Variants in PPP3CA observed in about 807,000 individuals in gnomAD.
PPP3CA encodes the protein protein phosphatase 3 catalytic subunit alpha, also known as CAM-PRP catalytic subunit.
Under a neutral mutation model 66.5 loss-of-function variants are expected in PPP3CA, and 14 were observed. The ratio of observed to expected loss-of-function variants is 0.21; its 90% confidence interval spans 0.14 to 0.33. The LOEUF is 0.33. PPP3CA is among the 10% of genes least tolerant of loss of function. The pLI is 1.00. For synonymous variants in PPP3CA, 232 were observed against 226.2 expected (o/e 1.03, Z -0.23); for missense variants, 317 against 639.5 (o/e 0.50, Z 5.44).
intron 6 of PPP3CA, among the ~76,000 whole-genome samples, chr4:101,092,674 G>C (rs1247600433): frequency 6.6e-6 from 1 of 151,988 alleles, no homozygotes; most frequent in East Asian, 1.9e-4. Context: ...ACTTATGAGT[G>C]AGAACATGAG....
At chr4:101,130,408 A>G (rs1405827872) in intron 2 of PPP3CA, among the ~76,000 whole-genome samples, 3 of 152,286 alleles carry the variant, frequency 2.0e-5, no homozygotes, top group South Asian at 4.1e-4. Context: ...GAGCACCACA[A>G]AGATACTCCT....
chr4:101,125,987 A>G (rs902224746), intron 2 of PPP3CA, among the ~76,000 whole-genome samples: 1 of 152,234 alleles, frequency 6.6e-6, no homozygotes, highest in African/African-American at 2.4e-5. Context: ...ATAAACACTC[A>G]TACTACATGG....
intron 2 of PPP3CA, among the ~76,000 whole-genome samples, chr4:101,179,445 T>C (rs1332759424): frequency 6.6e-6 from 1 of 152,108 alleles, no homozygotes; most frequent in Admixed American, 6.6e-5. Flanking sequence ...AATTTGGTGA[T>C]TCATCAAATT....
chr4:101,141,867 G>C (rs887278432), intron 2 of PPP3CA, among the ~76,000 whole-genome samples: 1 of 152,182 alleles, frequency 6.6e-6, no homozygotes, highest in Non-Finnish European at 1.5e-5. Flanking sequence ...GTGAACGAAT[G>C]AATGTATAGG....
chr4:101,112,555 A>G (rs1267975542), intron 2 of PPP3CA, among the ~76,000 whole-genome samples: 1 of 152,172 alleles, frequency 6.6e-6, no homozygotes, highest in Admixed American at 6.6e-5. Flanking sequence ...AATGACGTGC[A>G]TATAATCATA....
chr4:101,203,830 T>G (rs2110198242), intron 1 of PPP3CA, among the ~76,000 whole-genome samples: 1 of 152,326 alleles, frequency 6.6e-6, no homozygotes, highest in African/African-American at 2.4e-5. Flanking sequence ...TTTTGGTTAC[T>G]TCATTACAAT....
intron 2 of PPP3CA, among the ~76,000 whole-genome samples, chr4:101,124,616 GAAAAAAGAGA>G (rs761578283): frequency 5.2e-5 from 7 of 135,120 alleles, no homozygotes; most frequent in Non-Finnish European, 1.1e-4. Flanking sequence ...CTCAAAAAAA[GAAAAAAGAGA>G]AAGAAAGAAA....
chr4:101,029,215 T>C lies in PPP3CA; in HGVS notation c.1340-20A>G, dbSNP rs767720732. On this transcript the variant is annotated intron_variant, in intron 12 of 13. Coordinates refer to ENST00000394854, the MANE Select transcript of PPP3CA (RefSeq NM_000944.5). Reference sequence around the variant, plus strand: ...CAGTAGCTGAAGAGAAGAAAGGGGGTGCAAAATGAATGAGAAAAATGAGCA... The same window carrying C: ...CAGTAGCTGAAGAGAAGAAAGGGGGCGCAAAATGAATGAGAAAAATGAGCA... 1.4e-5 allele frequency: 22 copies of C among 1,602,754 alleles called. No individual in the cohort carries two copies. Among genetic ancestry groups the C allele is most frequent in the Non-Finnish European group, 1.9e-5 (22 of 1,170,734 alleles).
chr4:101,091,590 T>C (rs1438936120), intron 6 of PPP3CA, among the ~76,000 whole-genome samples: 2 of 151,928 alleles, frequency 1.3e-5, no homozygotes, highest in African/African-American at 4.8e-5. Context: ...CATCAACAGA[T>C]AGAAAAACTT....
chr4:101,130,105 T>C (rs903022132), intron 2 of PPP3CA, among the ~76,000 whole-genome samples: 9 of 151,678 alleles, frequency 5.9e-5, no homozygotes, highest in East Asian at 3.9e-4. Context: ...ATGAAGCACA[T>C]AGAAGAAGCA....
chr4:101,195,885 C>G, intron 2 of PPP3CA, 31 bp downstream of exon 2: 1 of 1,597,796 alleles, frequency 6.3e-7, no homozygotes, highest in Non-Finnish European at 8.6e-7. Flanking sequence ...AATGTGTATA[C>G]AAGTGGGCAA....
intron 2 of PPP3CA, among the ~76,000 whole-genome samples, chr4:101,123,343 C>A (rs979980413): frequency 2.6e-5 from 4 of 152,086 alleles, no homozygotes; most frequent in African/African-American, 9.7e-5. Context: ...CAATGGTGAA[C>A]TTGATGAAGT....
intron 1 of PPP3CA, among the ~76,000 whole-genome samples, chr4:101,219,061 T>C (rs535213690): frequency 1.3e-5 from 2 of 152,080 alleles, no homozygotes; most frequent in Admixed American, 6.6e-5. Context: ...CTAGGTGTTA[T>C]GAAATCAAAG....
At chr4:101,154,881 A>G (rs1723264782) in intron 2 of PPP3CA, among the ~76,000 whole-genome samples, 1 of 132,428 alleles carries the variant, frequency 7.6e-6, no homozygotes, top group South Asian at 2.4e-4. Flanking sequence ...CAGTGGTGCA[A>G]TCTCGGCTCA....
At chr4:101,322,408 C>CT (rs1254595877) in intron 1 of PPP3CA, among the ~76,000 whole-genome samples, 4,477 of 134,112 alleles carry the variant, frequency 0.033, 222 homozygotes, top group African/African-American at 0.1. Flanking sequence ...CTACTGACAT[C>CT]TTTTTTTTTT....
At chr4:101,300,487 A>G (rs1055379499) in intron 1 of PPP3CA, among the ~76,000 whole-genome samples, 2 of 152,156 alleles carry the variant, frequency 1.3e-5, no homozygotes, top group Non-Finnish European at 2.9e-5. Flanking sequence ...TAATGTTTTA[A>G]ATTAATTTTA....
At chr4:101,269,985 TAGA>T (rs1163666447) in intron 1 of PPP3CA, among the ~76,000 whole-genome samples, 3 of 152,130 alleles carry the variant, frequency 2.0e-5, no homozygotes, top group African/African-American at 7.2e-5. Flanking sequence ...CATTAAATGT[TAGA>T]AGGAGTTCCT....
chr4:101,169,472 G>GT (rs1723800687), intron 2 of PPP3CA, among the ~76,000 whole-genome samples: 1 of 152,164 alleles, frequency 6.6e-6, no homozygotes, highest in Non-Finnish European at 1.5e-5. Context: ...CCAACCACCT[G>GT]TGGCAACCCT....
At chr4:101,070,808 G>T (rs1193679745) in intron 8 of PPP3CA, among the ~76,000 whole-genome samples, 1 of 152,150 alleles carries the variant, frequency 6.6e-6, no homozygotes. Context: ...ATTTGGGGCT[G>T]ATAATTGATC....
Sources: gnomAD v4.1 joint callset for allele counts (sites outside exome capture counted in the v4.1 genomes callset) on GRCh38, gnomAD v4.1.1 for gene constraint, MANE v1.5 for transcripts, NCBI Gene and HGNC (gene_info 2026-07-23, HGNC 2026-07-21) for gene names.